Variants in GPR146 observed in about 807,000 individuals in gnomAD.
GPR146 encodes G protein-coupled receptor 146.
For synonymous variants in GPR146, 203 were observed against 104.3 expected (o/e 1.95, Z -5.77); for missense variants, 381 against 213.9 (o/e 1.78, Z -4.87).
intron 1 of GPR146, among the ~76,000 whole-genome samples, chr7:1,046,215 CT>C (rs139456201): frequency 0.012 from 1,798 of 152,314 alleles, 33 homozygotes; most frequent in African/African-American, 0.038. Flanking sequence ...AGCTGCAGCT[CT>C]CACAGCCCCT....
At position 1,058,389 on chromosome 7, in the gene GPR146, A is replaced by G. The variant is rs756656276; in HGVS notation, c.874A>G (p.Thr292Ala). 6 of 780,658 alleles carry G rather than the reference A, an allele frequency of 7.7e-6. No individual in the cohort carries two copies. The South Asian group carries it at 8.0e-5, about 10-fold the overall frequency. The allele number at this position is 780,658 out of a possible 1,614,324, so 48.4% of individuals were successfully genotyped here. Residue 292 changes from threonine (T) to alanine (A), a missense_variant, in exon 2 of 2, where the codon ACA (threonine) becomes GCA (alanine). Transcript: ENST00000444847. ...CCTGGCCTTCTCCAGCAGCTTTGTG[A>G]CACCACTTCTCTACCGCTACATGAA... ...KLLAFSSSFV[T>A]PLLYRYMNQS...
chr7:1,057,963 T>A lies in GPR146; in HGVS notation c.448T>A (p.Phe150Ile). 1.3e-6 allele frequency: 1 copy of A among 771,800 alleles called. No homozygotes were observed. The highest frequency in any genetic ancestry group is 1.7e-5 in the Admixed American group (1 of 59,028). 47.8% of individuals were successfully genotyped at this position (771,800 alleles called of 1,614,324 possible). ...SVYNTRHVCGFVWGGALLTSF... is the reference protein window; with the variant it reads ...SVYNTRHVCGIVWGGALLTSF... ...GTACAACACGCGGCACGTGTGCGGCTTCGTGTGGGGTGGCGCGCTGCTGAC... is the reference window on the plus strand; with the variant it reads ...GTACAACACGCGGCACGTGTGCGGCATCGTGTGGGGTGGCGCGCTGCTGAC... The change falls in exon 2 of 2, where the codon TTC becomes ATC. Residue 150 changes from phenylalanine to isoleucine, a missense_variant. Coordinates refer to ENST00000444847, the MANE Select transcript of GPR146 (RefSeq NM_001303473.2).
chr7:1,057,314 C>G (rs79500423), intron 1 of GPR146, among the ~76,000 whole-genome samples, 178 bp from the exon 2 acceptor site: 2,958 of 152,254 alleles, frequency 0.019, 103 homozygotes, highest in African/African-American at 0.067. Context: ...GGTCACGACC[C>G]GAGACGGCCA....
intron 1 of GPR146, chr7:1,055,145 A>C (rs1783590527): frequency 2.4e-6 from 1 of 425,178 alleles, no homozygotes; most frequent in African/African-American, 2.1e-5. Context: ...ACAAGAGGCC[A>C]GCTGTGCTCA....
intron 1 of GPR146, among the ~76,000 whole-genome samples, chr7:1,050,536 C>T (rs1292289240): frequency 6.6e-6 from 1 of 152,230 alleles, no homozygotes; most frequent in African/African-American, 2.4e-5. Context: ...CTGGGGCTCC[C>T]AGCTCCGAGC....
Position 1,058,337 on chromosome 7 carries a change from G to A in GPR146, c.822G>A (p.Leu274=). The A allele has an allele frequency of 1.3e-6, 1 of 778,356 alleles. No individual in the cohort carries two copies. The highest frequency in any genetic ancestry group is 2.4e-6 in the Non-Finnish European group (1 of 418,112). 48.2% of individuals were successfully genotyped at this position (778,356 alleles called of 1,614,324 possible). A position where few individuals can be genotyped will look rare whatever the true frequency, so the allele number is the denominator to read the frequency against. ...TGGACGCACACTACCTGGGGCTACT[G>A]CACTTTGTGAAGGATTTCTCCAAAC... ...KPVDAHYLGL[L]HFVKDFSKLL... Residue 274 remains leucine (L), a synonymous_variant, in exon 2 of 2, where the codon CTG becomes CTA. Transcript: ENST00000444847.
chr7:1,057,433 T>C (rs1421436625), intron 1 of GPR146, 59 bp from the exon 2 acceptor site: 3 of 649,614 alleles, frequency 4.6e-6, no homozygotes, highest in Non-Finnish European at 5.6e-6. Context: ...CCTGCAGCAC[T>C]TCTGGGCCAG....
intron 1 of GPR146, among the ~76,000 whole-genome samples, chr7:1,051,365 C>T (rs112583257): frequency 0.039 from 5,874 of 152,352 alleles, 160 homozygotes; most frequent in South Asian, 0.061. Flanking sequence ...GCCAGGCCGC[C>T]GAGGTTCTGA....
chr7:1,050,699 G>C (rs1363374907), intron 1 of GPR146, among the ~76,000 whole-genome samples: 1 of 152,194 alleles, frequency 6.6e-6, no homozygotes, highest in African/African-American at 2.4e-5. Context: ...GCCCAGCACG[G>C]GGTCTTGGAA....
chr7:1,050,299 C>G (rs1005135060), intron 1 of GPR146, among the ~76,000 whole-genome samples: 9 of 152,234 alleles, frequency 5.9e-5, no homozygotes, highest in African/African-American at 2.2e-4. Context: ...AGGTTTAGAT[C>G]AGGAACAGAA....
chr7:1,051,642 T>C (rs535624826), intron 1 of GPR146, among the ~76,000 whole-genome samples: 30 of 152,306 alleles, frequency 2.0e-4, no homozygotes, highest in East Asian at 3.9e-4. Context: ...GGACGGGCAG[T>C]AGGTGCAAGG....
At chr7:1,054,467 G>A (rs548135909) in intron 1 of GPR146, among the ~76,000 whole-genome samples, 1 of 152,372 alleles carries the variant, frequency 6.6e-6, no homozygotes, top group South Asian at 2.1e-4. Context: ...CCCGGCTGGG[G>A]TGACAGCACG....
rs1233944537 is a variant in GPR146, at chr7:1,058,021, G to A, written c.506G>A (p.Ser169Asn). Residue 169 changes from serine to asparagine, a missense_variant, in exon 2 of 2, where the codon AGC (serine) becomes AAC (asparagine). Coordinates refer to ENST00000444847, the MANE Select transcript of GPR146 (RefSeq NM_001303473.2). ...TCCTCGCTGCTCTTCTACATCTGCAGCCATGTGTCCACCCGCGCGCTAGAG... is the reference window on the plus strand; with the variant it reads ...TCCTCGCTGCTCTTCTACATCTGCAACCATGTGTCCACCCGCGCGCTAGAG... Reference protein sequence around the residue: ...SFSSLLFYICSHVSTRALECA... With the variant: ...SFSSLLFYICNHVSTRALECA... 1.3e-6 allele frequency: 1 copy of A among 769,744 alleles called. No individual in the cohort carries two copies. The highest frequency in any genetic ancestry group is 2.4e-6 in the Non-Finnish European group (1 of 417,982). The allele number at this position is 769,744 out of a possible 1,614,324, so 47.7% of individuals were successfully genotyped here.
rs756429034 is a variant in GPR146, at chr7:1,058,313, G to T, written c.798G>T (p.Val266=). The change falls in exon 2 of 2, where the codon GTG becomes GTT. Residue 266 remains valine (V), a synonymous_variant. Transcript: ENST00000444847. ...HTVIISRGKP[V]DAHYLGLLHF... is the part of the protein sequence containing the mutation. ...TCATCATCTCGCGAGGGAAGCCCGT[G>T]GACGCACACTACCTGGGGCTACTGC... 1.3e-6 allele frequency: 1 copy of T among 776,090 alleles called. No individual in the cohort carries two copies. Among genetic ancestry groups the T allele is most frequent in the Admixed American group, 1.7e-5 (1 of 59,026 alleles). The allele number at this position is 776,090 out of a possible 1,614,324, so 48.1% of individuals were successfully genotyped here.
chr7:1,053,441 T>C (rs930542729), intron 1 of GPR146, among the ~76,000 whole-genome samples: 9 of 152,224 alleles, frequency 5.9e-5, no homozygotes, highest in Non-Finnish European at 1.3e-4. Context: ...GAGTCTCCTG[T>C]GACCAGGAGA....
intron 1 of GPR146, among the ~76,000 whole-genome samples, chr7:1,047,470 G>T (rs889410220): frequency 6.6e-6 from 1 of 152,238 alleles, no homozygotes; most frequent in Admixed American, 6.5e-5. Flanking sequence ...ATCAGTGTGC[G>T]TAAGCTCTCC....
chr7:1,048,609 C>G (rs1331267474), intron 1 of GPR146, among the ~76,000 whole-genome samples: 1 of 152,200 alleles, frequency 6.6e-6, no homozygotes, highest in Non-Finnish European at 1.5e-5. Context: ...CCAAGTTCAC[C>G]TCACTGCTCA....
At chr7:1,053,122 C>A (rs998500921) in intron 1 of GPR146, among the ~76,000 whole-genome samples, 12 of 151,990 alleles carry the variant, frequency 7.9e-5, no homozygotes, top group African/African-American at 2.9e-4. Context: ...CCCTGCTTCC[C>A]CAGACAGCCC....
Position 1,044,624 on chromosome 7 carries a change from GGCGGCGACTGCGCCGGCCGCCGCCCA to G in GPR146, c.-56_-31del, listed in dbSNP as rs1404302031. The G allele has an allele frequency of 1.3e-5, 2 of 151,486 alleles. No homozygotes were observed. Among genetic ancestry groups the G allele is most frequent in the African/African-American group, 4.8e-5 (2 of 41,352 alleles). The allele number at this position is 151,486 out of a possible 1,614,324, so 9.4% of individuals were successfully genotyped here. ...CTCCGCCAGCCCGAGCTGCCCGCCC[GGCGGCGACTGCGCCGGCCGCCGCCCA>G]GCAAGCCGGTGAGTGGGGCCCGGGA... On this transcript the variant is annotated 5_prime_UTR_variant, in exon 1 of 2. Coordinates refer to ENST00000444847, the MANE Select transcript of GPR146 (RefSeq NM_001303473.2).
Sources: gnomAD v4.1 joint callset for allele counts (sites outside exome capture counted in the v4.1 genomes callset) on GRCh38, gnomAD v4.1.1 for gene constraint, MANE v1.5 for transcripts, NCBI Gene and HGNC (gene_info 2026-07-23, HGNC 2026-07-21) for gene names.